The following ATRNL1 variants were observed in gnomAD, a reference collection of about 807,000 sequenced individuals.
The protein encoded by ATRNL1 is attractin-like protein 1.
In ATRNL1, 95 loss-of-function variants were observed where a neutral mutation model predicts 182.7. The ratio of observed to expected loss-of-function variants is 0.52; its 90% confidence interval spans 0.44 to 0.62. The LOEUF is 0.62. ATRNL1 is among the 20% of genes least tolerant of loss of function. The pLI is 0.00. For missense variants in ATRNL1, 1,471 were observed against 1,679.5 expected (o/e 0.88, Z 2.17); for synonymous variants, 576 against 568.3 (o/e 1.01, Z -0.19).
chr10:115,566,074 A>T (rs765601201), intron 26 of ATRNL1, among the ~76,000 whole-genome samples: 1 of 152,034 alleles, frequency 6.6e-6, no homozygotes, highest in African/African-American at 2.4e-5. Flanking sequence ...ATTCTATACG[A>T]TAGCTATAGT....
chr10:115,829,019 A>G (rs539564862), intron 27 of ATRNL1, among the ~76,000 whole-genome samples: 21 of 152,106 alleles, frequency 1.4e-4, no homozygotes, highest in Middle Eastern at 3.4e-3. Context: ...TAACTTCTGC[A>G]GATGGGCATT....
chr10:115,166,491 T>C (rs1458237868), intron 7 of ATRNL1, among the ~76,000 whole-genome samples: 1 of 151,986 alleles, frequency 6.6e-6, no homozygotes, highest in Non-Finnish European at 1.5e-5. Context: ...CATAGTGTTT[T>C]CCACTATGGC....
At chr10:115,354,873 C>A (rs1044640610) in intron 19 of ATRNL1, among the ~76,000 whole-genome samples, 5 of 151,792 alleles carry the variant, frequency 3.3e-5, no homozygotes, top group Non-Finnish European at 7.4e-5. Context: ...ATATTTTATT[C>A]TTTTTTATTC....
At chr10:115,358,490 C>T (rs893684850) in intron 19 of ATRNL1, among the ~76,000 whole-genome samples, 9 of 151,284 alleles carry the variant, frequency 5.9e-5, no homozygotes, top group Non-Finnish European at 1.0e-4. Context: ...TTTTCCTTGT[C>T]AGTTAAGCTC....
intron 26 of ATRNL1, among the ~76,000 whole-genome samples, chr10:115,726,611 G>C (rs1947604497): frequency 6.6e-6 from 1 of 152,160 alleles, no homozygotes; most frequent in Admixed American, 6.5e-5. Flanking sequence ...CAAGTATCTG[G>C]GGGTGCTGTA....
chr10:115,861,668 C>T (rs1328698945), intron 28 of ATRNL1, among the ~76,000 whole-genome samples: 6 of 152,242 alleles, frequency 3.9e-5, no homozygotes, highest in East Asian at 3.9e-4. Flanking sequence ...GTAGTCATTT[C>T]GCAATACATG....
At chr10:115,489,401 G>A (rs531110088) in intron 24 of ATRNL1, among the ~76,000 whole-genome samples, 1 of 152,190 alleles carries the variant, frequency 6.6e-6, no homozygotes, top group East Asian at 1.9e-4. Flanking sequence ...TTATGAATCT[G>A]GGTGCTCCTG....
In ATRNL1 at chr10:115,748,349, C is replaced by CTTT. The variant is rs58203488; in HGVS notation, c.3903+21008_3903+21010dup. Among the ~76,000 whole-genome samples the CTTT allele has an allele frequency of 4.9e-3, 633 of 130,166 alleles. 8 individuals are homozygous for CTTT. The highest frequency in any genetic ancestry group is 0.017 in the African/African-American group (603 of 35,746). The allele number at this position is 130,166 out of a possible 152,430, so 85.4% of individuals were successfully genotyped here. A position where few individuals can be genotyped will look rare whatever the true frequency, so the allele number is the denominator to read the frequency against. The stretch of plus-strand genomic sequence containing the variant: ...GATTAATGTTACTGATCAGCTGCAT[C>CTTT]TTTTTTTTTTTTTTTTGCCTCTCTG... On this transcript the variant is annotated intron_variant, in intron 27 of 28. Transcript: ENST00000355044.
chr10:115,336,603 T>G (rs1339582646), intron 19 of ATRNL1, among the ~76,000 whole-genome samples: 1 of 152,354 alleles, frequency 6.6e-6, no homozygotes, highest in East Asian at 1.9e-4. Context: ...AACTGTCGTG[T>G]ATTTAATATA....
chr10:115,279,642 C>A (rs1330426659), intron 13 of ATRNL1, among the ~76,000 whole-genome samples: 1 of 152,174 alleles, frequency 6.6e-6, no homozygotes, highest in Non-Finnish European at 1.5e-5. Context: ...ATCATAGTCT[C>A]ATTTACATTT....
At chr10:115,691,396 C>T (rs1946389536) in intron 26 of ATRNL1, among the ~76,000 whole-genome samples, 1 of 152,146 alleles carries the variant, frequency 6.6e-6, no homozygotes, top group Non-Finnish European at 1.5e-5. Flanking sequence ...TTTTCATATA[C>T]ATTTTGGCCA....
chr10:115,107,401 A>G (rs1554866295), intron 1 of ATRNL1, among the ~76,000 whole-genome samples: 2 of 152,242 alleles, frequency 1.3e-5, no homozygotes, highest in Non-Finnish European at 2.9e-5. Flanking sequence ...TCTGAAAGCT[A>G]GAGAATAATC....
chr10:115,523,363 C>A (rs1387292861), intron 25 of ATRNL1, among the ~76,000 whole-genome samples: 3 of 152,192 alleles, frequency 2.0e-5, no homozygotes, highest in Admixed American at 6.5e-5. Context: ...ATTGTCTTTA[C>A]TAATAGTACC....
At chr10:115,489,608 G>A (rs1014401823) in intron 24 of ATRNL1, among the ~76,000 whole-genome samples, 1 of 151,996 alleles carries the variant, frequency 6.6e-6, no homozygotes, top group Non-Finnish European at 1.5e-5. Context: ...TTTATTTTGA[G>A]CCTGTGTGTG....
At chr10:115,727,428 T>A in intron 27 of ATRNL1, 73 bp downstream of exon 27, 1 of 1,170,488 alleles carries the variant, frequency 8.5e-7, no homozygotes, top group Non-Finnish European at 1.3e-6. Context: ...AATCTACATC[T>A]GCTTATGAAG....
intron 19 of ATRNL1, among the ~76,000 whole-genome samples, chr10:115,351,308 G>A (rs148059224): frequency 2.1e-4 from 32 of 152,126 alleles, no homozygotes; most frequent in African/African-American, 7.0e-4. Flanking sequence ...GAAAGTGGGC[G>A]TCTTTGTTGT....
chr10:115,469,362 A>G (rs782407789), intron 24 of ATRNL1, 33 bp downstream of exon 24: 23 of 1,364,358 alleles, frequency 1.7e-5, no homozygotes, highest in South Asian at 8.9e-5. Flanking sequence ...TCTAATGACC[A>G]TAATATCATT....
intron 26 of ATRNL1, among the ~76,000 whole-genome samples, chr10:115,580,914 AT>A (rs1855029733): frequency 6.6e-6 from 1 of 151,984 alleles, no homozygotes; most frequent in Non-Finnish European, 1.5e-5. Flanking sequence ...ATTTTCTATC[AT>A]TTTGTTGAAA....
At chr10:115,567,489 A>G (rs78790707) in intron 26 of ATRNL1, among the ~76,000 whole-genome samples, 1 of 152,146 alleles carries the variant, frequency 6.6e-6, no homozygotes, top group Non-Finnish European at 1.5e-5. Context: ...AGAAATTTAT[A>G]TCAATTAAAA....
Sources: allele counts gnomAD v4.1 joint callset (sites outside exome capture counted in the v4.1 genomes callset), GRCh38; gene constraint gnomAD v4.1.1; transcripts MANE v1.5; gene names NCBI Gene and HGNC (gene_info 2026-07-23, HGNC 2026-07-21).